The following PTPN14 variants were observed in gnomAD, a reference collection of about 807,000 sequenced individuals.
The protein encoded by PTPN14 is tyrosine-protein phosphatase non-receptor type 14.
A neutral mutation model predicts 126.8 loss-of-function variants in PTPN14; 53 were observed. The observed-to-expected ratio is 0.42, with a 90% CI of 0.34 to 0.53. The LOEUF is 0.53. Ranked by LOEUF, PTPN14 falls within the 20% of genes least tolerant of loss-of-function variation. The pLI, the probability that PTPN14 is intolerant of heterozygous loss-of-function variation, is 0.08. For synonymous variants in PTPN14, 630 were observed against 599.3 expected, an observed-to-expected ratio of 1.05 and a Z score of -0.75; for missense variants, 1,257 against 1,552.9, an observed-to-expected ratio of 0.81 and a Z score of 3.20.
intron 16 of PTPN14, among the ~76,000 whole-genome samples, chr1:214,372,042 A>C (rs1658230055): frequency 2.0e-5 from 3 of 152,234 alleles, no homozygotes; most frequent in Admixed American, 2.0e-4. Context: ...AGAAATTTTG[A>C]GAATGTGACA....
chr1:214,452,145 C>T (rs534090087), intron 2 of PTPN14, among the ~76,000 whole-genome samples, 171 bp from the exon 3 acceptor site: 1 of 152,352 alleles, frequency 6.6e-6, no homozygotes, highest in African/African-American at 2.4e-5. Flanking sequence ...CACAACCACA[C>T]ACTACTGTAA....
intron 1 of PTPN14, among the ~76,000 whole-genome samples, chr1:214,538,808 T>C (rs1265787637): frequency 2.0e-5 from 3 of 152,194 alleles, no homozygotes. Context: ...ACTGTATATA[T>C]TAATATTAAC....
intron 3 of PTPN14, among the ~76,000 whole-genome samples, chr1:214,440,410 A>T (rs903539748): frequency 6.6e-6 from 1 of 152,240 alleles, no homozygotes; most frequent in Non-Finnish European, 1.5e-5. Flanking sequence ...CTTTCTATGC[A>T]TGAACCTTTT....
At chr1:214,542,048 A>G (rs374485097) in intron 1 of PTPN14, among the ~76,000 whole-genome samples, 14 of 152,290 alleles carry the variant, frequency 9.2e-5, no homozygotes, top group African/African-American at 3.1e-4. Flanking sequence ...ACCCCTGCTC[A>G]CCATACCCTG....
At chr1:214,406,150 A>T (rs2102572236) in intron 5 of PTPN14, among the ~76,000 whole-genome samples, 1 of 152,370 alleles carries the variant, frequency 6.6e-6, no homozygotes, top group Middle Eastern at 3.4e-3. Flanking sequence ...TTTCCAATAC[A>T]GTAGCCTCTA....
At chr1:214,542,025 T>C (rs1655849121) in intron 1 of PTPN14, among the ~76,000 whole-genome samples, 1 of 152,208 alleles carries the variant, frequency 6.6e-6, no homozygotes, top group Admixed American at 6.5e-5. Context: ...ATCACATGTC[T>C]GTCCTCACCT....
chr1:214,348,918 C>T lies in PTPN14; in HGVS notation c.*9004G>A, dbSNP rs1657652544. 6.6e-6 allele frequency: 1 copy of T among 152,144 alleles called. No homozygotes were observed. The highest frequency in any genetic ancestry group is 1.5e-5 in the Non-Finnish European group (1 of 68,032). 9.4% of individuals were successfully genotyped at this position (152,144 alleles called of 1,614,324 possible). Reference sequence around the variant, plus strand: ...AAATACTGTCAAAGTCAGTTCTATACACCTCATAACTGTGTATACAACTGG... The same window carrying T: ...AAATACTGTCAAAGTCAGTTCTATATACCTCATAACTGTGTATACAACTGG... On this transcript the variant is annotated 3_prime_UTR_variant, in exon 19 of 19. Transcript: ENST00000366956.
chr1:214,453,578 A>T (rs1660317635), intron 2 of PTPN14, among the ~76,000 whole-genome samples: 1 of 118,444 alleles, frequency 8.4e-6, no homozygotes, highest in Non-Finnish European at 2.0e-5. Context: ...CTACATCATA[A>T]GTGGTACCTT....
intron 1 of PTPN14, among the ~76,000 whole-genome samples, chr1:214,540,619 C>A (rs2102482300): frequency 6.6e-6 from 1 of 152,260 alleles, no homozygotes; most frequent in South Asian, 2.1e-4. Flanking sequence ...CACTTCACAG[C>A]CTAGAGCTAC....
chr1:214,375,330 G>C (rs1244640627), intron 15 of PTPN14, among the ~76,000 whole-genome samples: 2 of 152,170 alleles, frequency 1.3e-5, no homozygotes, highest in Non-Finnish European at 2.9e-5. Context: ...AGTAATTCTA[G>C]ACAAGGCCGA....
intron 1 of PTPN14, chr1:214,482,926 C>A (rs1485750755): frequency 3.1e-6 from 5 of 1,602,550 alleles, no homozygotes; most frequent in Non-Finnish European, 4.3e-6. Context: ...GGAGCTCCCA[C>A]TAAGCCACCC....
chr1:214,538,130 C>A (rs1655752052), intron 1 of PTPN14, among the ~76,000 whole-genome samples: 2 of 152,130 alleles, frequency 1.3e-5, no homozygotes, highest in Non-Finnish European at 1.5e-5. Flanking sequence ...ATTATGACCA[C>A]AGAAAAACAT....
chr1:214,386,523 T>C (rs1658614259), intron 12 of PTPN14, among the ~76,000 whole-genome samples: 2 of 152,246 alleles, frequency 1.3e-5, no homozygotes, highest in African/African-American at 2.4e-5. Flanking sequence ...TTTCTGATAC[T>C]GGCAATGAAG....
At chr1:214,538,612 A>G (rs1431227467) in intron 1 of PTPN14, among the ~76,000 whole-genome samples, 1 of 152,216 alleles carries the variant, frequency 6.6e-6, no homozygotes, top group African/African-American at 2.4e-5. Flanking sequence ...TACGTGCCCA[A>G]TTACACAAAA....
At chr1:214,414,396 T>A (rs17022851) in intron 4 of PTPN14, among the ~76,000 whole-genome samples, 2,089 of 152,298 alleles carry the variant, frequency 0.014, 56 homozygotes, top group African/African-American at 0.047. Context: ...TATTTCCTCA[T>A]ATAAAACTGT....
At chr1:214,403,029 C>G in intron 5 of PTPN14, 76 bp from the exon 6 acceptor site, 2 of 1,423,372 alleles carry the variant, frequency 1.4e-6, no homozygotes, top group Admixed American at 1.7e-5. Flanking sequence ...CTTAAAGCTC[C>G]CTTCCTCAGA....
Position 214,384,854 on chromosome 1 carries a change from A to C in PTPN14, c.1067-66T>G. On this transcript the variant is annotated intron_variant, in intron 12 of 18. Transcript: ENST00000366956. The surrounding 1 kb of genome is among the most constrained non-coding windows in gnomAD (Gnocchi z 5.3). ...TCCTGCCACAACAAAGTACATCCTC[A>C]TACTCATGAGGTGACTTTTAATTTA... 33 of 1,532,536 alleles carry C rather than the reference A, an allele frequency of 2.2e-5. No homozygotes were observed. Among genetic ancestry groups the C allele is most frequent in the Non-Finnish European group, 2.5e-5 (29 of 1,138,420 alleles). 94.9% of individuals were successfully genotyped at this position (1,532,536 alleles called of 1,614,324 possible).
At chr1:214,456,909 T>C (rs1252573956) in intron 2 of PTPN14, among the ~76,000 whole-genome samples, 1 of 152,230 alleles carries the variant, frequency 6.6e-6, no homozygotes, top group African/African-American at 2.4e-5. Flanking sequence ...TAATCAGCAT[T>C]GATTATTTTA....
intron 1 of PTPN14, among the ~76,000 whole-genome samples, chr1:214,490,882 GGGAAGGGGAGGGGAGGGAAGGGGAAGGAA>G (rs1192298792): frequency 1.2e-4 from 2 of 16,822 alleles, no homozygotes; most frequent in East Asian, 1.2e-3. Context: ...GGGGAGGGGA[GGGAAGGGGAGGGGAGGGAAGGGGAAGGAA>G]GGGAAGGAAA....
Sources: allele counts gnomAD v4.1 joint callset (sites outside exome capture counted in the v4.1 genomes callset), GRCh38; gene constraint gnomAD v4.1.1; non-coding constraint Gnocchi (gnomAD v3.1); transcripts MANE v1.5; gene names NCBI Gene and HGNC (gene_info 2026-07-23, HGNC 2026-07-21).